EPM2A: variants seen among roughly 807,000 people sequenced by gnomAD.
The protein encoded by EPM2A is laforin.
Under a neutral mutation model 26.5 loss-of-function variants are expected in EPM2A, and 21 were observed. That is an observed-to-expected ratio of 0.79 (90% confidence interval 0.56 to 1.14). The LOEUF (loss-of-function observed/expected upper bound fraction) is 1.14, where lower values mean the gene tolerates loss of function less well. Ranked by LOEUF, EPM2A falls within the 50% of genes most tolerant of loss-of-function variation. EPM2A has a pLI of 0.00. For synonymous variants in EPM2A, 217 were observed against 177.6 expected, an observed-to-expected ratio of 1.22 and a Z score of -1.76; for missense variants, 458 against 440.8, an observed-to-expected ratio of 1.04 and a Z score of -0.35.
intron 4 of EPM2A, among the ~76,000 whole-genome samples, chr6:145,393,862 T>C (rs1027688103): frequency 4.0e-5 from 6 of 151,820 alleles, no homozygotes; most frequent in Non-Finnish European, 7.4e-5. Flanking sequence ...CTCATTCTGT[T>C]GTCCAGGCTG....
chr6:145,547,038 C>A (rs958500928), intron 2 of EPM2A, among the ~76,000 whole-genome samples: 1 of 152,034 alleles, frequency 6.6e-6, no homozygotes, highest in Non-Finnish European at 1.5e-5. Flanking sequence ...CCAGTTGTTC[C>A]CTTCTCCATT....
At chr6:145,595,143 A>G (rs955696606) in intron 2 of EPM2A, among the ~76,000 whole-genome samples, 2 of 151,894 alleles carry the variant, frequency 1.3e-5, no homozygotes, top group African/African-American at 4.8e-5. Context: ...TGGAACTATA[A>G]TTTGTCTATC....
chr6:145,501,675 G>T, exon 4 of EPM2A: 4 of 415,152 alleles, frequency 9.6e-6, no homozygotes, highest in South Asian at 5.6e-5. Context: ...GAGTTACGAA[G>T]ATTGTCCCAC....
At chr6:145,498,567 T>A (rs1388186919), downstream of EPM2A, among the ~76,000 whole-genome samples, 1 of 152,154 alleles carries the variant, frequency 6.6e-6, no homozygotes, top group African/African-American at 2.4e-5. Context: ...TGTGGGAGAA[T>A]CATGGTTTCC....
intron 2 of EPM2A, among the ~76,000 whole-genome samples, chr6:145,510,926 A>G (rs1780046726): frequency 6.6e-6 from 1 of 152,208 alleles, no homozygotes; most frequent in Admixed American, 6.5e-5. Flanking sequence ...AACTTCTCCA[A>G]TAGAAATACA....
At chr6:145,673,179 G>A (rs1779773220) in intron 2 of EPM2A, among the ~76,000 whole-genome samples, 1 of 150,576 alleles carries the variant, frequency 6.6e-6, no homozygotes, top group Non-Finnish European at 1.5e-5. Flanking sequence ...ATCTAACCAT[G>A]ATAAAAACAG....
At chr6:145,727,574 C>T (rs1226039420) in intron 1 of EPM2A, among the ~76,000 whole-genome samples, 1 of 151,906 alleles carries the variant, frequency 6.6e-6, no homozygotes, top group East Asian at 1.9e-4. Flanking sequence ...TGAGCAGCTA[C>T]TATGTATCAA....
Position 145,735,456 on chromosome 6 carries a change from C to G in EPM2A, c.43G>C (p.Gly15Arg), listed in dbSNP as rs1310207444. Residue 15 changes from glycine to arginine, a missense_variant, in exon 1 of 4, where the codon GGC becomes CGC. Transcript: ENST00000367519. Reference sequence around the variant, plus strand: ...ACCACCAGCAGCTCCGGCCGGGCGCCGGCCACGGCGGGTGGCACCACCACC... The same window carrying G: ...ACCACCAGCAGCTCCGGCCGGGCGCGGGCCACGGCGGGTGGCACCACCACC... ...FGVVVPPAVA[G>R]ARPELLVVGS... 1 of 1,233,492 alleles carries G rather than the reference C, an allele frequency of 8.1e-7. No individual in the cohort carries two copies. Among genetic ancestry groups the G allele is most frequent in the Non-Finnish European group, 1.0e-6 (1 of 984,600 alleles). 76.4% of individuals were successfully genotyped at this position (1,233,492 alleles called of 1,614,324 possible).
At chr6:145,515,644 A>C (rs1238251319) in intron 2 of EPM2A, among the ~76,000 whole-genome samples, 1 of 152,148 alleles carries the variant, frequency 6.6e-6, no homozygotes, top group African/African-American at 2.4e-5. Context: ...CCCATGATCT[A>C]ATCACCTCTT....
At chr6:145,423,465 T>A (rs1256899735) in intron 4 of EPM2A, among the ~76,000 whole-genome samples, 1 of 152,152 alleles carries the variant, frequency 6.6e-6, no homozygotes, top group African/African-American at 2.4e-5. Flanking sequence ...CTAAGATATG[T>A]CCTGTCATAT....
chr6:145,470,088 A>G (rs1380223130), intron 4 of EPM2A, among the ~76,000 whole-genome samples: 1 of 152,092 alleles, frequency 6.6e-6, no homozygotes, highest in Non-Finnish European at 1.5e-5. Flanking sequence ...AGCTAAATAG[A>G]ATGAATAAGA....
At chr6:145,520,170 T>A (rs927061663) in intron 2 of EPM2A, among the ~76,000 whole-genome samples, 3 of 152,186 alleles carry the variant, frequency 2.0e-5, no homozygotes, top group African/African-American at 7.2e-5. Context: ...ACTTCTCCAA[T>A]TATGTTTTCC....
At chr6:145,455,688 C>T (rs1779254987) in intron 4 of EPM2A, among the ~76,000 whole-genome samples, 1 of 152,174 alleles carries the variant, frequency 6.6e-6, no homozygotes, top group African/African-American at 2.4e-5. Context: ...TATAAAATCA[C>T]TTTATTTTAC....
intron 4 of EPM2A, among the ~76,000 whole-genome samples, chr6:145,415,967 T>C (rs1255667879): frequency 1.3e-5 from 2 of 152,204 alleles, no homozygotes; most frequent in African/African-American, 4.8e-5. Flanking sequence ...CATATGCTTC[T>C]TGAGCCTGAC....
intron 1 of EPM2A, among the ~76,000 whole-genome samples, chr6:145,709,026 T>A (rs535300741): frequency 4.6e-4 from 70 of 152,338 alleles, no homozygotes; most frequent in Middle Eastern, 3.4e-3. Context: ...GCCCCTTAAT[T>A]TTGGCCTATT....
intron 2 of EPM2A, chr6:145,640,887 GGCTCCAGTTAA>G (rs1396927289): frequency 6.6e-6 from 1 of 152,130 alleles, no homozygotes; most frequent in Non-Finnish European, 1.5e-5. Flanking sequence ...GCTTATAACA[GGCTCCAGTTAA>G]GGCTGAATAA....
intron 4 of EPM2A, among the ~76,000 whole-genome samples, chr6:145,415,586 T>C (rs1246948706): frequency 6.6e-6 from 1 of 152,224 alleles, no homozygotes; most frequent in Admixed American, 6.6e-5. Context: ...TTTCATTCTT[T>C]TCCATCATAT....
intron 1 of EPM2A, among the ~76,000 whole-genome samples, chr6:145,716,802 T>A (rs1775652796): frequency 6.6e-6 from 1 of 152,178 alleles, no homozygotes; most frequent in Non-Finnish European, 1.5e-5. Flanking sequence ...AATCAGCCTT[T>A]CTCCTGTCTC....
chr6:145,549,648 A>G (rs535139873), intron 2 of EPM2A, among the ~76,000 whole-genome samples: 6 of 152,270 alleles, frequency 3.9e-5, no homozygotes, highest in Non-Finnish European at 8.8e-5. Context: ...CCTATCCATT[A>G]TGGTAGCAGA....
Sources: allele counts gnomAD v4.1 joint callset (sites outside exome capture counted in the v4.1 genomes callset), GRCh38; gene constraint gnomAD v4.1.1; transcripts MANE v1.5; gene names NCBI Gene and HGNC (gene_info 2026-07-23, HGNC 2026-07-21).